Variants in FANCD2 observed in about 807,000 individuals in gnomAD.
The protein encoded by FANCD2 is FA complementation group D2.
In FANCD2, 131 loss-of-function variants were observed where a neutral mutation model predicts 192.3. That is an observed-to-expected ratio of 0.68 (90% CI 0.59 to 0.79). The LOEUF is 0.79. Ranked by LOEUF, FANCD2 falls within the 30% of genes least tolerant of loss-of-function variation. The pLI is 0.00. For synonymous variants in FANCD2, 524 were observed against 612.5 expected (o/e 0.86, Z 2.13); for missense variants, 1,508 against 1,701.6 (o/e 0.89, Z 2.00).
chr3:10,036,417 A>G lies in FANCD2; in HGVS notation c.491+78A>G, dbSNP rs1003787141. The G allele has an allele frequency of 7.7e-5, 85 of 1,109,066 alleles. 1 individual carries two copies. Among genetic ancestry groups the G allele is most frequent in the South Asian group, 3.9e-4 (31 of 79,274 alleles). The allele number at this position is 1,109,066 out of a possible 1,614,324, so 68.7% of individuals were successfully genotyped here. ...CTCTGAAAAGGTTACTCTGAAAACT[A>G]TTGGTTTCTCTGAAAGTCATATTTA... On this transcript the variant is annotated intron_variant, in intron 7 of 43. Coordinates refer to ENST00000675286, the MANE Select transcript of FANCD2 (RefSeq NM_001018115.3).
chr3:10,035,130 CAAGG>C (rs2086696820), intron 5 of FANCD2, 39 bp from the exon 6 acceptor site: 1 of 1,524,150 alleles, frequency 6.6e-7, no homozygotes, highest in African/African-American at 1.4e-5. Flanking sequence ...AGCATTAAAA[CAAGG>C]AAAGCAAAGT....
chr3:10,027,170 C>G (rs2086473099), intron 1 of FANCD2, among the ~76,000 whole-genome samples: 1 of 152,190 alleles, frequency 6.6e-6, no homozygotes, highest in African/African-American at 2.4e-5. Context: ...ATGCCGGTAA[C>G]TATGCTGGGC....
At chr3:10,030,327 C>A (rs1313657739) in intron 2 of FANCD2, among the ~76,000 whole-genome samples, 2 of 151,820 alleles carry the variant, frequency 1.3e-5, no homozygotes, top group African/African-American at 2.4e-5. Context: ...AAACTCCTGA[C>A]CTCCGGTAAT....
intron 43 of FANCD2, chr3:10,099,400 A>T: frequency 9.8e-7 from 1 of 1,023,722 alleles, no homozygotes; most frequent in East Asian, 5.3e-5. Flanking sequence ...AGGTAGGAGG[A>T]TTGCTTGAGT....
intron 26 of FANCD2, among the ~76,000 whole-genome samples, chr3:10,069,134 A>C (rs1361628503): frequency 6.6e-6 from 1 of 152,224 alleles, no homozygotes; most frequent in Non-Finnish European, 1.5e-5. Context: ...AACCAAAGCA[A>C]AAATGGACAA....
chr3:10,056,327 G>A (rs1409674672), intron 18 of FANCD2, among the ~76,000 whole-genome samples: 2 of 151,964 alleles, frequency 1.3e-5, no homozygotes, highest in South Asian at 2.1e-4. Context: ...GTTTTTTAGG[G>A]TGTATATCTA....
At chr3:10,044,921 C>G (rs530517432) in intron 14 of FANCD2, among the ~76,000 whole-genome samples, 9 of 151,766 alleles carry the variant, frequency 5.9e-5, no homozygotes, top group African/African-American at 2.2e-4. Context: ...CATTTTTTCT[C>G]CTGTCATAAA....
In FANCD2 at chr3:10,078,216, A is replaced by T; in HGVS notation, c.2976+19A>T. On this transcript the variant is annotated intron_variant, in intron 30 of 43. Transcript: ENST00000675286. ...TCTCAAGGTTAGTGTAGGCAGAAGC[A>T]TAGGACTTGGGCATAGTGGATTTGG... 2 of 1,491,790 alleles carry T rather than the reference A, an allele frequency of 1.3e-6. No individual in the cohort carries two copies. 92.4% of individuals were successfully genotyped at this position (1,491,790 alleles called of 1,614,324 possible).
intron 10 of FANCD2, 87 bp downstream of exon 10, chr3:10,041,797 G>A: frequency 3.5e-6 from 3 of 866,378 alleles, no homozygotes; most frequent in East Asian, 5.1e-5. Flanking sequence ...TGGGAGTAAT[G>A]AATATTTCAT....
At chr3:10,073,051 T>A in intron 27 of FANCD2, 70 bp downstream of exon 27, 2 of 944,790 alleles carry the variant, frequency 2.1e-6, no homozygotes, top group Middle Eastern at 2.1e-4. Flanking sequence ...AAAAGTTATG[T>A]GTATCATGGC....
chr3:10,046,527 A>C, intron 14 of FANCD2, 53 bp from the exon 15 acceptor site: 1 of 1,609,564 alleles, frequency 6.2e-7, no homozygotes, highest in Non-Finnish European at 8.5e-7. Context: ...CATTGTAGCA[A>C]ATGTACTGAT....
chr3:10,060,249 TG>T (rs1559386299), intron 18 of FANCD2, 44 bp from the exon 19 acceptor site: 1 of 1,350,576 alleles, frequency 7.4e-7, no homozygotes, highest in South Asian at 1.2e-5. Flanking sequence ...CTTCTTTTGC[TG>T]TGCCATTCCA....
intron 6 of FANCD2, among the ~76,000 whole-genome samples, 191 bp downstream of exon 6, chr3:10,035,424 G>C (rs569341483): frequency 6.6e-6 from 1 of 152,238 alleles, no homozygotes; most frequent in African/African-American, 2.4e-5. Flanking sequence ...GTGCTTATTA[G>C]CCTAATACAT....
intron 32 of FANCD2, 55 bp downstream of exon 32, chr3:10,081,519 A>G (rs1187842784): frequency 1.5e-5 from 18 of 1,164,306 alleles, no homozygotes; most frequent in Non-Finnish European, 2.1e-5. Flanking sequence ...TTTATTTGAC[A>G]GTCACCAAGG....
At chr3:10,082,586 C>A (rs1482509570) in intron 32 of FANCD2, among the ~76,000 whole-genome samples, 1 of 152,124 alleles carries the variant, frequency 6.6e-6, no homozygotes, top group Non-Finnish European at 1.5e-5. Context: ...TTAATTTGAG[C>A]ACCCTATATA....
At chr3:10,053,361 C>T (rs803341) in intron 18 of FANCD2, among the ~76,000 whole-genome samples, 4,462 of 147,342 alleles carry the variant, frequency 0.03, 230 homozygotes, top group African/African-American at 0.1. Flanking sequence ...GGGAACATCA[C>T]ACTCTGGGGA....
At chr3:10,062,299 G>A (rs2125030200) in intron 20 of FANCD2, 88 bp downstream of exon 20, 1 of 1,079,802 alleles carries the variant, frequency 9.3e-7, no homozygotes, top group Non-Finnish European at 1.4e-6. Flanking sequence ...GCAGTGCAGT[G>A]GCAAGATCTC....
intron 32 of FANCD2, 72 bp from the exon 33 acceptor site, chr3:10,085,740 C>T (rs1694154838): frequency 1.0e-6 from 1 of 976,050 alleles, no homozygotes; most frequent in African/African-American, 1.6e-5. Context: ...AGACTGGAGG[C>T]CAGGATCCTT....
chr3:10,051,758 A>G (rs887280186), intron 17 of FANCD2, among the ~76,000 whole-genome samples: 1 of 152,238 alleles, frequency 6.6e-6, no homozygotes, highest in African/African-American at 2.4e-5. Flanking sequence ...AAAAGTTTAC[A>G]AAGCTGTTTT....
Sources: allele counts gnomAD v4.1 joint callset (sites outside exome capture counted in the v4.1 genomes callset), GRCh38; gene constraint gnomAD v4.1.1; transcripts MANE v1.5; gene names NCBI Gene and HGNC (gene_info 2026-07-23, HGNC 2026-07-21).